The following LUC7L2 variants were observed in gnomAD, a reference collection of about 807,000 sequenced individuals.
LUC7L2 encodes the protein LUC7 like 2, pre-mRNA splicing factor.
In LUC7L2, 25 loss-of-function variants were observed where a neutral mutation model predicts 52.8. That is an observed-to-expected ratio of 0.47 (90% CI 0.34 to 0.66). The LOEUF is 0.66. Ranked by LOEUF, LUC7L2 falls within the 30% of genes least tolerant of loss-of-function variation. The probability of loss-of-function intolerance (pLI) is 0.01; values close to 1 mark genes in which losing one functional copy is unlikely to be tolerated. For missense variants in LUC7L2, 328 were observed against 497.8 expected, an observed-to-expected ratio of 0.66 and a Z score of 3.25; for synonymous variants, 144 against 160.9, an observed-to-expected ratio of 0.89 and a Z score of 0.80.
chr7:139,393,509 G>A (rs967312236), intron 2 of LUC7L2, among the ~76,000 whole-genome samples: 6 of 151,972 alleles, frequency 3.9e-5, no homozygotes, highest in African/African-American at 1.2e-4. Context: ...TGGAGTGCAC[G>A]ATCTCAGCTC....
intron 5 of LUC7L2, among the ~76,000 whole-genome samples, 162 bp from the exon 6 acceptor site, chr7:139,407,001 GTTTTTTTTTTT>G (rs58914782): frequency 9.1e-6 from 1 of 110,456 alleles, no homozygotes; most frequent in Admixed American, 1.1e-4. Flanking sequence ...TGCTTTTGTG[GTTTTTTTTTTT>G]TTTTTTTTTT....
chr7:139,361,365 A>G (rs1799872495), intron 1 of LUC7L2, among the ~76,000 whole-genome samples: 1 of 152,214 alleles, frequency 6.6e-6, no homozygotes, highest in Non-Finnish European at 1.5e-5. Context: ...ATTTAAGTGT[A>G]TTGATTTAAG....
chr7:139,406,861 T>C (rs933825891), intron 5 of LUC7L2, among the ~76,000 whole-genome samples: 8 of 151,932 alleles, frequency 5.3e-5, no homozygotes, highest in Non-Finnish European at 7.4e-5. Context: ...GATTTTATTG[T>C]TTTTTTCTTG....
chr7:139,415,056 T>TG (rs112545324), intron 8 of LUC7L2, among the ~76,000 whole-genome samples: 54,359 of 134,918 alleles, frequency 0.4, 14,747 homozygotes, highest in African/African-American at 0.78. Flanking sequence ...CCTGCTAAGT[T>TG]TTTTTTTTTT....
At position 139,398,700 on chromosome 7, in the gene LUC7L2, A is replaced by G. The variant is rs1794767094; in HGVS notation, c.255+3A>G. On this transcript the variant is annotated splice_donor_region_variant and intron_variant, in intron 3 of 9. Transcript: ENST00000354926. ...AAGATTTTTTCTTTGAACTTGATGT[A>G]TGTGATTTTGCTTTAATGGTTTGTT... 6.2e-7 allele frequency: 1 copy of G among 1,608,828 alleles called. No homozygotes were observed. The highest frequency in any genetic ancestry group is 2.2e-5 in the East Asian group (1 of 44,688).
chr7:139,415,341 C>T lies in LUC7L2; in HGVS notation c.810-2197C>T, dbSNP rs529696108. On this transcript the variant is annotated intron_variant, in intron 8 of 9. Transcript: ENST00000354926. The stretch of plus-strand genomic sequence containing the variant: ...AACTTTGTTTTACTTGCTACTCAAC[C>T]TCCCCTAGTATAGAACAGTGCAAAA... Among the ~76,000 whole-genome samples the T allele has an allele frequency of 5.9e-5, 9 of 151,886 alleles. 1 individual carries two copies. In the South Asian group the frequency reaches 1.9e-3, roughly 32 times the overall value.
chr7:139,386,882 C>T (rs1264691333), intron 2 of LUC7L2, among the ~76,000 whole-genome samples: 1 of 152,120 alleles, frequency 6.6e-6, no homozygotes, highest in Admixed American at 6.5e-5. Context: ...TCTTGTTCCC[C>T]AGGCTGGAGT....
chr7:139,410,076 G>A (rs1371808028), intron 7 of LUC7L2, among the ~76,000 whole-genome samples: 10 of 152,016 alleles, frequency 6.6e-5, no homozygotes, highest in Admixed American at 5.9e-4. Flanking sequence ...GCGAGGTGGC[G>A]GGCGCCTGTA....
intron 2 of LUC7L2, among the ~76,000 whole-genome samples, chr7:139,386,561 C>T (rs1490661107): frequency 3.3e-5 from 5 of 150,546 alleles, no homozygotes; most frequent in African/African-American, 5.0e-5. Flanking sequence ...CCTGCCACCA[C>T]ACCTGGCTAA....
upstream of LUC7L2, among the ~76,000 whole-genome samples, chr7:139,356,986 CAA>C (rs1799625063): frequency 6.6e-6 from 1 of 152,030 alleles, no homozygotes; most frequent in South Asian, 2.1e-4. Flanking sequence ...GACCTGGTAA[CAA>C]GAGCATATAA....
intron 3 of LUC7L2, 105 bp from the exon 4 acceptor site, chr7:139,402,032 C>T: frequency 8.1e-7 from 1 of 1,241,644 alleles, no homozygotes; most frequent in Non-Finnish European, 1.1e-6. Flanking sequence ...GCCACCGTGC[C>T]CCACCATGGT....
chr7:139,376,360 T>C (rs1251519485), intron 2 of LUC7L2, among the ~76,000 whole-genome samples: 1 of 152,236 alleles, frequency 6.6e-6, no homozygotes, highest in Non-Finnish European at 1.5e-5. Flanking sequence ...TTTATAATTT[T>C]TTCCATTCTT....
chr7:139,394,066 G>A (rs942035109), intron 2 of LUC7L2, among the ~76,000 whole-genome samples: 3 of 151,286 alleles, frequency 2.0e-5, no homozygotes, highest in African/African-American at 4.9e-5. Flanking sequence ...GCCTCTTGGA[G>A]GAAAAAAGAA....
At chr7:139,405,497 G>A in intron 4 of LUC7L2, 147 bp from the exon 5 acceptor site, 4 of 1,011,258 alleles carry the variant, frequency 4.0e-6, no homozygotes, top group Non-Finnish European at 5.6e-6. Flanking sequence ...TGATGTCTCA[G>A]TAGTTCATTT....
intron 2 of LUC7L2, among the ~76,000 whole-genome samples, chr7:139,394,913 A>T (rs1337486663): frequency 2.6e-5 from 4 of 152,230 alleles, no homozygotes; most frequent in African/African-American, 4.8e-5. Flanking sequence ...AGTGGTTCTC[A>T]ACATTGCACA....
In LUC7L2 at chr7:139,359,980, G is replaced by C. The variant is rs1799777649; in HGVS notation, c.-282G>C. The stretch of plus-strand genomic sequence containing the variant: ...TCTGGCGGGTGGCGGTGTTGAAGGC[G>C]AGAGCTTGCTTGGCCCGTGTCGCTT... On this transcript the variant is annotated 5_prime_UTR_variant, in exon 1 of 10. Transcript: ENST00000354926. 2.3e-6 allele frequency: 1 copy of C among 429,548 alleles called. No homozygotes were observed. Among genetic ancestry groups the C allele is most frequent in the Non-Finnish European group, 4.1e-6 (1 of 242,440 alleles). 26.6% of individuals were successfully genotyped at this position (429,548 alleles called of 1,614,324 possible). A position where few individuals can be genotyped will look rare whatever the true frequency, so the allele number is the denominator to read the frequency against.
In LUC7L2 at chr7:139,423,003, C is replaced by G; in HGVS notation, c.*663C>G. On this transcript the variant is annotated 3_prime_UTR_variant, in exon 10 of 10. Transcript: ENST00000354926. ...AATCAAACGTCTTGATTTTTCTGTTCTGTTGAATTGCTATGTTCAGGATGT... is the reference window on the plus strand; with the variant it reads ...AATCAAACGTCTTGATTTTTCTGTTGTGTTGAATTGCTATGTTCAGGATGT... 2.5e-6 allele frequency: 1 copy of G among 398,204 alleles called. No homozygotes were observed. Among genetic ancestry groups the G allele is most frequent in the Non-Finnish European group, 4.4e-6 (1 of 225,966 alleles). The allele number at this position is 398,204 out of a possible 1,614,324, so 24.7% of individuals were successfully genotyped here. A position where few individuals can be genotyped will look rare whatever the true frequency, so the allele number is the denominator to read the frequency against.
At chr7:139,410,934 C>T (rs1795333520) in intron 7 of LUC7L2, among the ~76,000 whole-genome samples, 1 of 131,692 alleles carries the variant, frequency 7.6e-6, no homozygotes, top group Non-Finnish European at 1.5e-5. Context: ...GAAGTGATGT[C>T]AGTCCTCTAT....
intron 2 of LUC7L2, among the ~76,000 whole-genome samples, chr7:139,395,077 T>A (rs1476139212): frequency 6.6e-6 from 1 of 152,244 alleles, no homozygotes; most frequent in Non-Finnish European, 1.5e-5. Flanking sequence ...AACTGTGACA[T>A]CTTGCATTTT....
Sources: allele counts gnomAD v4.1 joint callset (sites outside exome capture counted in the v4.1 genomes callset), GRCh38; gene constraint gnomAD v4.1.1; transcripts MANE v1.5; gene names NCBI Gene and HGNC (gene_info 2026-07-23, HGNC 2026-07-21).